The following CFAP43 variants were observed in gnomAD, a reference collection of about 807,000 sequenced individuals.
CFAP43 encodes the protein cilia- and flagella-associated protein 43.
Under a neutral mutation model 218.9 loss-of-function variants are expected in CFAP43, and 155 were observed. That is an observed-to-expected ratio of 0.71 (90% CI 0.62 to 0.81). The LOEUF (loss-of-function observed/expected upper bound fraction) is 0.81. CFAP43 is among the 30% of genes least tolerant of loss of function. The pLI, the probability that CFAP43 is intolerant of heterozygous loss-of-function variation, is 0.00. For missense variants in CFAP43, 1,778 were observed against 1,954.3 expected (o/e 0.91, Z 1.70); for synonymous variants, 645 against 681.3 (o/e 0.95, Z 0.83).
At chr10:104,227,256 A>C (rs1011652103) in intron 2 of CFAP43, among the ~76,000 whole-genome samples, 3 of 152,178 alleles carry the variant, frequency 2.0e-5, no homozygotes, top group African/African-American at 4.8e-5. Flanking sequence ...AGTGCTTTTT[A>C]AGCTCATTTG....
chr10:104,188,687 C>T (rs1390312903), intron 12 of CFAP43, among the ~76,000 whole-genome samples: 6 of 152,110 alleles, frequency 3.9e-5, no homozygotes, highest in African/African-American at 1.4e-4. Context: ...CCAGAGTGCA[C>T]CATCTCCACC....
intron 5 of CFAP43, among the ~76,000 whole-genome samples, chr10:104,211,582 C>G (rs1235450265): frequency 1.3e-5 from 2 of 152,170 alleles, no homozygotes; most frequent in African/African-American, 2.4e-5. Flanking sequence ...GGCTCTGGCT[C>G]TCTTTTCTTC....
chr10:104,182,229 C>A, intron 17 of CFAP43, 137 bp downstream of exon 17: 1 of 942,366 alleles, frequency 1.1e-6, no homozygotes. Context: ...TAGCTTATTC[C>A]CTTTTTGAAA....
At chr10:104,222,642 C>T (rs767252865) in intron 3 of CFAP43, among the ~76,000 whole-genome samples, 8 of 152,104 alleles carry the variant, frequency 5.3e-5, no homozygotes, top group Admixed American at 1.3e-4. Flanking sequence ...AATAGAAGTG[C>T]GCATGAATAT....
At chr10:104,137,011 A>G (rs1237377486) in intron 34 of CFAP43, among the ~76,000 whole-genome samples, 1 of 152,246 alleles carries the variant, frequency 6.6e-6, no homozygotes, top group Non-Finnish European at 1.5e-5. Flanking sequence ...TGAAACCCAC[A>G]TACTTTGCTG....
intron 27 of CFAP43, among the ~76,000 whole-genome samples, chr10:104,157,769 TGTGTGTGAGA>T (rs1233038691): frequency 1.5e-4 from 16 of 109,714 alleles, no homozygotes; most frequent in Admixed American, 4.8e-4. Flanking sequence ...TGTGTGTGTG[TGTGTGTGAGA>T]GAGAGAGAGA....
intron 23 of CFAP43, among the ~76,000 whole-genome samples, chr10:104,165,607 A>C (rs918216176): frequency 1.3e-5 from 2 of 152,180 alleles, no homozygotes; most frequent in Non-Finnish European, 2.9e-5. Context: ...AACTATCTTC[A>C]TTGGCACAAT....
At chr10:104,207,602 G>A in intron 6 of CFAP43, 63 bp downstream of exon 6, 1 of 1,501,354 alleles carries the variant, frequency 6.7e-7, no homozygotes, top group Non-Finnish European at 9.0e-7. Flanking sequence ...GAGAAAAATA[G>A]GGAAAACCAA....
intron 19 of CFAP43, among the ~76,000 whole-genome samples, chr10:104,177,380 T>C (rs1284811662): frequency 6.6e-6 from 1 of 152,012 alleles, no homozygotes; most frequent in Admixed American, 6.6e-5. Context: ...GAGAGACCCA[T>C]AAATGTAGGA....
At chr10:104,184,959 A>C in intron 16 of CFAP43, 57 bp downstream of exon 16, 2 of 1,571,692 alleles carry the variant, frequency 1.3e-6, no homozygotes, top group Admixed American at 2.0e-5. Flanking sequence ...ATAATAATAA[A>C]ATCTCTATTT....
At chr10:104,148,588 C>T (rs2088095504) in intron 28 of CFAP43, among the ~76,000 whole-genome samples, 1 of 152,020 alleles carries the variant, frequency 6.6e-6, no homozygotes, top group Non-Finnish European at 1.5e-5. Context: ...TCTATTAGTT[C>T]CCCTGAGTGC....
intron 8 of CFAP43, among the ~76,000 whole-genome samples, chr10:104,198,524 G>A (rs948793537): frequency 2.1e-4 from 32 of 151,636 alleles, no homozygotes; most frequent in African/African-American, 5.6e-4. Context: ...CAGGTGATCC[G>A]CCCACCTCGG....
At chr10:104,216,358 C>A (rs979546038) in intron 3 of CFAP43, among the ~76,000 whole-genome samples, 1 of 152,184 alleles carries the variant, frequency 6.6e-6, no homozygotes, top group Non-Finnish European at 1.5e-5. Flanking sequence ...TTATGGGACA[C>A]CACAGATCCT....
chr10:104,154,615 A>G (rs2088443415), intron 27 of CFAP43, among the ~76,000 whole-genome samples: 2 of 152,218 alleles, frequency 1.3e-5, no homozygotes. Context: ...ATGGCCACAG[A>G]CCCAGCTGGC....
intron 20 of CFAP43, among the ~76,000 whole-genome samples, chr10:104,169,820 A>G (rs1401152915): frequency 6.6e-6 from 1 of 152,176 alleles, no homozygotes; most frequent in Non-Finnish European, 1.5e-5. Context: ...TTCTAAATAG[A>G]CAGCTGGCTT....
chr10:104,231,522 G>T (rs1386076206), intron 1 of CFAP43, among the ~76,000 whole-genome samples: 1 of 152,150 alleles, frequency 6.6e-6, no homozygotes, highest in African/African-American at 2.4e-5. Context: ...TTAAAGGTAT[G>T]CTTGAAGATG....
At chr10:104,229,410 T>C (rs2091388560) in intron 2 of CFAP43, among the ~76,000 whole-genome samples, 1 of 150,542 alleles carries the variant, frequency 6.6e-6, no homozygotes, top group Non-Finnish European at 1.5e-5. Context: ...CCCAGCACTT[T>C]GGGAGGCGGA....
intron 22 of CFAP43, 96 bp downstream of exon 22, chr10:104,167,525 C>T: frequency 6.9e-6 from 6 of 866,738 alleles, no homozygotes; most frequent in Non-Finnish European, 1.0e-5. Flanking sequence ...CATACAATAC[C>T]TAAACTTAAA....
chr10:104,166,847 C>G lies in CFAP43; in HGVS notation c.2809-129G>C, dbSNP rs111241870. 2,162 of 777,870 alleles carry G rather than the reference C, an allele frequency of 2.8e-3. 22 individuals are homozygous for G. In the African/African-American group the frequency reaches 0.033, roughly 12 times the overall value. 48.2% of individuals were successfully genotyped at this position (777,870 alleles called of 1,614,324 possible). A position where few individuals can be genotyped will look rare whatever the true frequency, so the allele number is the denominator to read the frequency against. Reference sequence around the variant, plus strand: ...GAATTGTCTTGCCAACAACTGAATTCGAAGTGATGAATAGATCCCAGAACT... The same window carrying G: ...GAATTGTCTTGCCAACAACTGAATTGGAAGTGATGAATAGATCCCAGAACT... On this transcript the variant is annotated intron_variant, in intron 22 of 37. Transcript: ENST00000357060.
Sources: allele counts gnomAD v4.1 joint callset (sites outside exome capture counted in the v4.1 genomes callset), GRCh38; gene constraint gnomAD v4.1.1; transcripts MANE v1.5; gene names NCBI Gene and HGNC (gene_info 2026-07-23, HGNC 2026-07-21).